Variants in PSMA1 observed in about 807,000 individuals in gnomAD.
PSMA1 encodes the protein proteasome 20S subunit alpha 1, also known as proteasome subunit alpha type-1.
In PSMA1, 3 loss-of-function variants were observed where a neutral mutation model predicts 38.4. The observed-to-expected ratio is 0.08, with a 90% confidence interval of 0.04 to 0.20. The LOEUF (loss-of-function observed/expected upper bound fraction) is 0.20, where lower values mean the gene tolerates loss of function less well. Ranked by LOEUF, PSMA1 falls within the 10% of genes least tolerant of loss-of-function variation. The pLI, the probability that PSMA1 is intolerant of heterozygous loss-of-function variation, is 1.00. For missense variants in PSMA1, 227 were observed against 325.3 expected, an observed-to-expected ratio of 0.70 and a Z score of 2.32; for synonymous variants, 101 against 107.1, an observed-to-expected ratio of 0.94 and a Z score of 0.35.
intron 1 of PSMA1, among the ~76,000 whole-genome samples, chr11:14,614,245 T>C (rs761997330): frequency 2.0e-4 from 31 of 152,310 alleles, no homozygotes; most frequent in Non-Finnish European, 4.1e-4. Flanking sequence ...GTTTCTATTA[T>C]TAACAAACAG....
chr11:14,541,198 G>A (rs112130845), intron 2 of PSMA1, among the ~76,000 whole-genome samples: 12 of 152,114 alleles, frequency 7.9e-5, no homozygotes, highest in African/African-American at 2.4e-4. Flanking sequence ...TATATAAAAG[G>A]CATCCTTGCA....
intron 1 of PSMA1, among the ~76,000 whole-genome samples, chr11:14,616,656 G>GT (rs1852777821): frequency 6.6e-6 from 1 of 152,154 alleles, no homozygotes. Context: ...TTCTGGAGAA[G>GT]TTATTTTGTA....
At chr11:14,595,854 T>C (rs1005673626) in intron 2 of PSMA1, among the ~76,000 whole-genome samples, 41 of 152,364 alleles carry the variant, frequency 2.7e-4, no homozygotes, top group African/African-American at 9.9e-4. Flanking sequence ...TAGGTTTTCT[T>C]CTAGGGTTTT....
intron 7 of PSMA1, among the ~76,000 whole-genome samples, chr11:14,512,359 A>G (rs930051907): frequency 2.0e-5 from 3 of 152,018 alleles, no homozygotes; most frequent in Non-Finnish European, 4.4e-5. Flanking sequence ...GGGCAAAAAC[A>G]GTGAAACCCC....
chr11:14,576,833 T>C (rs1031537422), intron 2 of PSMA1, among the ~76,000 whole-genome samples: 14 of 152,338 alleles, frequency 9.2e-5, no homozygotes, highest in Admixed American at 8.5e-4. Flanking sequence ...ATTGGTAGCT[T>C]GATGGGGATG....
chr11:14,505,588 CT>C (rs11414969), intron 9 of PSMA1, among the ~76,000 whole-genome samples: 1 of 150,884 alleles, frequency 6.6e-6, no homozygotes, highest in Non-Finnish European at 1.5e-5. Context: ...TAGGGTGAAG[CT>C]TTTTTTTGTT....
chr11:14,594,838 C>T (rs1372587733), intron 2 of PSMA1, among the ~76,000 whole-genome samples: 1 of 152,080 alleles, frequency 6.6e-6, no homozygotes, highest in Non-Finnish European at 1.5e-5. Context: ...TATACATGTG[C>T]CATGTTGGTT....
intron 2 of PSMA1, among the ~76,000 whole-genome samples, chr11:14,527,582 G>A (rs1026975861): frequency 2.0e-5 from 3 of 152,064 alleles, no homozygotes; most frequent in African/African-American, 4.8e-5. Flanking sequence ...CATCAAGCTC[G>A]GGGATTTGCC....
At chr11:14,512,972 C>G (rs1341101608) in intron 7 of PSMA1, among the ~76,000 whole-genome samples, 1 of 152,178 alleles carries the variant, frequency 6.6e-6, no homozygotes, top group African/African-American at 2.4e-5. Flanking sequence ...AACTATTTTT[C>G]TCTGCATTCA....
chr11:14,543,460 C>T (rs559535509), intron 2 of PSMA1, among the ~76,000 whole-genome samples: 146 of 151,738 alleles, frequency 9.6e-4, no homozygotes, highest in African/African-American at 3.5e-3. Context: ...ATACATGATT[C>T]GGTGGTTTTA....
At chr11:14,571,165 C>G (rs1852135648) in intron 2 of PSMA1, among the ~76,000 whole-genome samples, 1 of 152,194 alleles carries the variant, frequency 6.6e-6, no homozygotes, top group African/African-American at 2.4e-5. Flanking sequence ...CAGGTTCTCG[C>G]CATTCTCCTG....
chr11:14,539,499 A>T (rs1851747394), intron 2 of PSMA1, among the ~76,000 whole-genome samples: 1 of 152,204 alleles, frequency 6.6e-6, no homozygotes. Context: ...AGGAAGAAAA[A>T]AATAATTTTA....
chr11:14,639,433 A>C (rs892879435), intron 1 of PSMA1, among the ~76,000 whole-genome samples: 24 of 152,230 alleles, frequency 1.6e-4, no homozygotes, highest in African/African-American at 5.8e-4. Flanking sequence ...TGATTTATTA[A>C]AATAGTTTTG....
In PSMA1 at chr11:14,618,455, T is replaced by C. The variant is rs1326366754; in HGVS notation, c.-165-7304A>G. 2.6e-5 allele frequency among the ~76,000 whole-genome samples: 4 copies of C among 152,242 alleles called. No homozygotes were observed. In the East Asian group the frequency reaches 7.7e-4, roughly 29 times the overall value. ...TTATTTTAGCCTCTCAGTAGAGTTATCCAAATGTAATACATGTTTCCTTGA... is the reference window on the plus strand; with the variant it reads ...TTATTTTAGCCTCTCAGTAGAGTTACCCAAATGTAATACATGTTTCCTTGA... On this transcript the variant is annotated intron_variant, in intron 1 of 10. Coordinates refer to the PSMA1 transcript ENST00000418988.
At chr11:14,608,287 G>A (rs1852666589) in intron 2 of PSMA1, among the ~76,000 whole-genome samples, 1 of 151,984 alleles carries the variant, frequency 6.6e-6, no homozygotes, top group South Asian at 2.1e-4. Context: ...GGTGTTGGAG[G>A]CTGCAGTGAG....
At chr11:14,573,639 T>C (rs1852176364) in intron 2 of PSMA1, among the ~76,000 whole-genome samples, 1 of 152,148 alleles carries the variant, frequency 6.6e-6, no homozygotes, top group South Asian at 2.1e-4. Flanking sequence ...TCCTATTCAA[T>C]ATACTATTGG....
At chr11:14,609,422 T>C (rs777901176) in intron 2 of PSMA1, among the ~76,000 whole-genome samples, 8 of 152,154 alleles carry the variant, frequency 5.3e-5, no homozygotes, top group Non-Finnish European at 8.8e-5. Flanking sequence ...TGGAGCAAAA[T>C]TGCATTCTTT....
At chr11:14,642,170 C>T (rs1397015245) in intron 1 of PSMA1, among the ~76,000 whole-genome samples, 1 of 152,158 alleles carries the variant, frequency 6.6e-6, no homozygotes, top group South Asian at 2.1e-4. Flanking sequence ...TTTATTATTT[C>T]CTATGGAATT....
chr11:14,613,607 A>G (rs776960379), intron 1 of PSMA1, among the ~76,000 whole-genome samples: 2 of 152,176 alleles, frequency 1.3e-5, no homozygotes, highest in Non-Finnish European at 2.9e-5. Flanking sequence ...ACAGACTTCC[A>G]TTGGTTTCAG....
Sources: gnomAD v4.1 joint callset for allele counts (sites outside exome capture counted in the v4.1 genomes callset) on GRCh38, gnomAD v4.1.1 for gene constraint, MANE v1.5 for transcripts, NCBI Gene and HGNC (gene_info 2026-07-23, HGNC 2026-07-21) for gene names.